The following B3GALNT1 variants were observed in gnomAD, a reference collection of about 807,000 sequenced individuals.
B3GALNT1 encodes the protein beta-1,3-N-acetylgalactosaminyltransferase 1 (Globoside blood group).
B3GALNT1 carries 17 observed loss-of-function variants against 27.3 expected under a neutral mutation model. The ratio of observed to expected loss-of-function variants is 0.62; its 90% CI spans 0.43 to 0.94. The LOEUF (loss-of-function observed/expected upper bound fraction) is 0.94, where lower values mean the gene tolerates loss of function less well. Ranked by LOEUF, B3GALNT1 falls within the 40% of genes least tolerant of loss-of-function variation. The pLI is 0.00. For synonymous variants in B3GALNT1, 141 were observed against 144.0 expected (o/e 0.98, Z 0.15); for missense variants, 347 against 390.0 (o/e 0.89, Z 0.93).
intron 4 of B3GALNT1, among the ~76,000 whole-genome samples, chr3:161,091,319 G>A: frequency 6.6e-6 from 1 of 152,092 alleles, no homozygotes; most frequent in East Asian, 1.9e-4. Context: ...ATGCCAATTA[G>A]AAATGTCTAG....
intron 4 of B3GALNT1, among the ~76,000 whole-genome samples, chr3:161,091,312 C>T (rs780100826): frequency 3.3e-5 from 5 of 151,958 alleles, no homozygotes; most frequent in Non-Finnish European, 7.4e-5. Context: ...AAGAAAAATG[C>T]CAATTAGAAA....
At chr3:161,092,587 G>A (rs11713192) in intron 4 of B3GALNT1, among the ~76,000 whole-genome samples, 14,915 of 151,992 alleles carry the variant, frequency 0.098, 1,004 homozygotes, top group Non-Finnish European at 0.15. Context: ...GGAAATATAG[G>A]TGTTCTCTAA....
rs1458690434 is a variant in B3GALNT1 at position 161,084,713 on chromosome 3, T to C, written c.*1046A>G. 6.6e-6 allele frequency: 1 copy of C among 152,174 alleles called. No individual in the cohort carries two copies. The highest frequency in any genetic ancestry group is 1.5e-5 in the Non-Finnish European group (1 of 68,010). 9.4% of individuals were successfully genotyped at this position (152,174 alleles called of 1,614,324 possible). A position where few individuals can be genotyped will look rare whatever the true frequency, so the allele number is the denominator to read the frequency against. ...TCATAACAGCAGCAGCTCAAACTGATTGTTAAAAGGAAAAAACACAGGGCA... is the reference window on the plus strand; with the variant it reads ...TCATAACAGCAGCAGCTCAAACTGACTGTTAAAAGGAAAAAACACAGGGCA... On this transcript the variant is annotated 3_prime_UTR_variant, in exon 5 of 5. Coordinates refer to ENST00000320474, the MANE Select transcript of B3GALNT1 (RefSeq NM_003781.4).
intron 4 of B3GALNT1, among the ~76,000 whole-genome samples, chr3:161,088,670 G>A (rs143691916): frequency 2.0e-5 from 3 of 152,270 alleles, no homozygotes; most frequent in Admixed American, 6.5e-5. Flanking sequence ...CAACCCTTGA[G>A]GGAACCATTT....
chr3:161,091,887 T>C (rs1186231494), intron 4 of B3GALNT1, among the ~76,000 whole-genome samples: 1 of 152,234 alleles, frequency 6.6e-6, no homozygotes, highest in Non-Finnish European at 1.5e-5. Flanking sequence ...TTACTGATGA[T>C]GATTATACAT....
Position 161,085,700 on chromosome 3 carries a change from T to G in B3GALNT1, c.*59A>C. 6.3e-7 allele frequency: 1 copy of G among 1,594,846 alleles called. No homozygotes were observed. The highest frequency in any genetic ancestry group is 8.6e-7 in the Non-Finnish European group (1 of 1,162,852). ...CCCATGAATTTTCCACAGTACCTACTTTATTTAACACTTTCCACAAAGTAT... is the reference window on the plus strand; with the variant it reads ...CCCATGAATTTTCCACAGTACCTACGTTATTTAACACTTTCCACAAAGTAT... On this transcript the variant is annotated 3_prime_UTR_variant, in exon 5 of 5. Transcript: ENST00000320474.
chr3:161,090,925 G>A (rs934935440), intron 4 of B3GALNT1, among the ~76,000 whole-genome samples: 1 of 152,130 alleles, frequency 6.6e-6, no homozygotes, highest in Non-Finnish European at 1.5e-5. Context: ...ATAGTTCAGA[G>A]GAAGCAAATA....
chr3:161,087,960 G>C (rs1203649422), intron 4 of B3GALNT1, among the ~76,000 whole-genome samples: 2 of 152,216 alleles, frequency 1.3e-5, no homozygotes, highest in Non-Finnish European at 2.9e-5. Context: ...ATAAGGGACA[G>C]ATGAACAACA....
intron 4 of B3GALNT1, among the ~76,000 whole-genome samples, chr3:161,098,689 C>T (rs1036563392): frequency 1.3e-5 from 2 of 152,228 alleles, no homozygotes; most frequent in Admixed American, 6.5e-5. Flanking sequence ...TTCAACAAGT[C>T]CTCTCCAACA....
Position 161,104,386 on chromosome 3 carries a change from C to G in B3GALNT1, c.-288G>C, listed in dbSNP as rs535358641. ...TTGATAGCTTTTCCCACAACGCAGC[C>G]ACCTCCTAAACGCAGGCAATCTGTG... On this transcript the variant is annotated 5_prime_UTR_variant, in exon 2 of 5. Transcript: ENST00000320474. The G allele has an allele frequency of 7.8e-7, 1 of 1,287,910 alleles. No homozygotes were observed. The highest frequency in any genetic ancestry group is 2.3e-5 in the Admixed American group (1 of 43,216). 79.8% of individuals were successfully genotyped at this position (1,287,910 alleles called of 1,614,324 possible).
chr3:161,087,438 CT>C (rs1401680922), intron 4 of B3GALNT1, among the ~76,000 whole-genome samples: 2 of 152,216 alleles, frequency 1.3e-5, no homozygotes, highest in Non-Finnish European at 2.9e-5. Flanking sequence ...TATGAAACAG[CT>C]TTTACCTGCC....
intron 4 of B3GALNT1, among the ~76,000 whole-genome samples, chr3:161,089,425 T>C (rs767911934): frequency 9.2e-5 from 14 of 152,166 alleles, no homozygotes; most frequent in Non-Finnish European, 1.3e-4. Flanking sequence ...AATGACATGA[T>C]GGCTACAAAA....
Position 161,083,895 on chromosome 3 carries a change from A to G in B3GALNT1, c.*1864T>C, listed in dbSNP as rs1224148941. On this transcript the variant is annotated 3_prime_UTR_variant, in exon 5 of 5. Coordinates refer to ENST00000320474, the MANE Select transcript of B3GALNT1 (RefSeq NM_003781.4). ...TAGAACACTCTAATTATAAAAAGTAAATACACAAACCGGTGTCATTTATTG... is the reference window on the plus strand; with the variant it reads ...TAGAACACTCTAATTATAAAAAGTAGATACACAAACCGGTGTCATTTATTG... 6.6e-6 allele frequency: 1 copy of G among 152,214 alleles called. No individual in the cohort carries two copies. Among genetic ancestry groups the G allele is most frequent in the Non-Finnish European group, 1.5e-5 (1 of 68,022 alleles). The allele number at this position is 152,214 out of a possible 1,614,324, so 9.4% of individuals were successfully genotyped here. A position where few individuals can be genotyped will look rare whatever the true frequency, so the allele number is the denominator to read the frequency against.
rs1259921616 is a variant in B3GALNT1 at position 161,084,914 on chromosome 3, G to GA, written c.*844dup. The GA allele has an allele frequency of 1.3e-5, 2 of 152,098 alleles. No individual in the cohort carries two copies. The allele number at this position is 152,098 out of a possible 1,614,324, so 9.4% of individuals were successfully genotyped here. On this transcript the variant is annotated 3_prime_UTR_variant, in exon 5 of 5. Coordinates refer to ENST00000320474, the MANE Select transcript of B3GALNT1 (RefSeq NM_003781.4). ...CTACATTATTCCTAATTTCCAGGTG[G>GA]AAAAATGAGACAAATTAAGTGACTT...
rs1194873153 is a variant in B3GALNT1, at chr3:161,085,232, T to A, written c.*527A>T. ...AAGTTGAAGTAATTTTAAATAATAATAACTGTGAAATACTGCAACATCTTG... is the reference window on the plus strand; with the variant it reads ...AAGTTGAAGTAATTTTAAATAATAAAAACTGTGAAATACTGCAACATCTTG... On this transcript the variant is annotated 3_prime_UTR_variant, in exon 5 of 5. Transcript: ENST00000320474. 1.3e-5 allele frequency: 2 copies of A among 152,492 alleles called. No individual in the cohort carries two copies. Among genetic ancestry groups the A allele is most frequent in the Non-Finnish European group, 2.9e-5 (2 of 68,294 alleles). 9.4% of individuals were successfully genotyped at this position (152,492 alleles called of 1,614,324 possible).
Position 161,086,537 on chromosome 3 carries a change from C to T in B3GALNT1, c.218G>A (p.Cys73Tyr), listed in dbSNP as rs780004891. The change falls in exon 5 of 5, where the codon TGC becomes TAC. Residue 73 changes from cysteine to tyrosine, a missense_variant. Cys to Tyr is a radical substitution (Grantham distance 194). Coordinates refer to ENST00000320474, the MANE Select transcript of B3GALNT1 (RefSeq NM_003781.4). ...GACCAGAAATGGATTTTGATGAGAG[C>T]AGTTTGAATGCTCTCGAAGTGTGAA... ...FHFTLREHSNCSHQNPFLVIL... is the reference protein window; with the variant it reads ...FHFTLREHSNYSHQNPFLVIL... The T allele has an allele frequency of 3.8e-5, 62 of 1,614,026 alleles. No individual in the cohort carries two copies. The highest frequency in any genetic ancestry group is 5.0e-5 in the Non-Finnish European group (59 of 1,180,038).
Position 161,084,246 on chromosome 3 carries a change from A to G in B3GALNT1, c.*1513T>C, listed in dbSNP as rs1720693815. On this transcript the variant is annotated 3_prime_UTR_variant, in exon 5 of 5. Coordinates refer to ENST00000320474, the MANE Select transcript of B3GALNT1 (RefSeq NM_003781.4). The stretch of plus-strand genomic sequence containing the variant: ...TATGGATGGAGATTAACAAGGGCAT[A>G]GATCGATTCTATAGAATATTTCATT... The G allele has an allele frequency of 6.6e-6, 1 of 152,244 alleles. No homozygotes were observed. Among genetic ancestry groups the G allele is most frequent in the Non-Finnish European group, 1.5e-5 (1 of 68,040 alleles). 9.4% of individuals were successfully genotyped at this position (152,244 alleles called of 1,614,324 possible).
At chr3:161,101,460 C>G (rs1731216602) in intron 3 of B3GALNT1, among the ~76,000 whole-genome samples, 2 of 152,184 alleles carry the variant, frequency 1.3e-5, no homozygotes, top group Admixed American at 6.5e-5. Context: ...CTTTAGTCAT[C>G]TGAGGGTATT....
At chr3:161,104,444 C>G in intron 1 of B3GALNT1, 38 bp from the exon 2 acceptor site, 2 of 978,244 alleles carry the variant, frequency 2.0e-6, no homozygotes, top group East Asian at 6.1e-5. Context: ...CATGAAAGCC[C>G]TGCAAATCTC....
Sources: gnomAD v4.1 joint callset for allele counts (sites outside exome capture counted in the v4.1 genomes callset) on GRCh38, gnomAD v4.1.1 for gene constraint, MANE v1.5 for transcripts, NCBI Gene and HGNC (gene_info 2026-07-23, HGNC 2026-07-21) for gene names.